GALNT1: variants seen among roughly 807,000 people sequenced by gnomAD.
GALNT1 encodes polypeptide N-acetylgalactosaminyltransferase 1, also known as GalNAc transferase 1.
A neutral mutation model predicts 65.7 loss-of-function variants in GALNT1; 17 were observed. The observed-to-expected ratio is 0.26, with a 90% CI of 0.18 to 0.39. The LOEUF is 0.39. GALNT1 is among the 10% of genes least tolerant of loss of function. GALNT1 has a pLI of 1.00. For synonymous variants in GALNT1, 210 were observed against 219.7 expected (o/e 0.96, Z 0.39); for missense variants, 460 against 672.8 (o/e 0.68, Z 3.50).
upstream of GALNT1, among the ~76,000 whole-genome samples, chr18:35,581,502 G>A (rs1380250602): frequency 7.2e-6 from 1 of 138,202 alleles, no homozygotes; most frequent in Non-Finnish European, 1.6e-5. Flanking sequence ...CGCCGAGCAC[G>A]CAGCGCAGGG....
intron 1 of GALNT1, among the ~76,000 whole-genome samples, chr18:35,627,936 C>A (rs951666621): frequency 6.7e-6 from 1 of 148,320 alleles, no homozygotes; most frequent in African/African-American, 2.4e-5. Context: ...GTGCCTGGCT[C>A]GGAGGGTCCT....
intron 1 of GALNT1, among the ~76,000 whole-genome samples, chr18:35,617,145 T>C (rs1160184948): frequency 6.6e-6 from 1 of 152,122 alleles, no homozygotes; most frequent in Non-Finnish European, 1.5e-5. Context: ...TTCTCTAGAC[T>C]CTTCTCTCAC....
At chr18:35,621,544 T>TC (rs879415949) in intron 1 of GALNT1, among the ~76,000 whole-genome samples, 6,514 of 137,632 alleles carry the variant, frequency 0.047, 305 homozygotes, top group African/African-American at 0.086. Flanking sequence ...TACTAATCTT[T>TC]TGTTCATTAT....
At chr18:35,581,540 C>CT (rs1440044001), upstream of GALNT1, among the ~76,000 whole-genome samples, 1 of 78 alleles carries the variant, frequency 0.013, no homozygotes, top group East Asian at 0.5. Context: ...CCTGCGGGCG[C>CT]CCTGCGGCGC....
chr18:35,605,971 G>C (rs1258009837), intron 1 of GALNT1, among the ~76,000 whole-genome samples: 1 of 152,096 alleles, frequency 6.6e-6, no homozygotes, highest in Non-Finnish European at 1.5e-5. Context: ...GAATATTTAG[G>C]CATTCATATT....
chr18:35,628,132 C>T (rs920922030), intron 1 of GALNT1, among the ~76,000 whole-genome samples: 14 of 152,192 alleles, frequency 9.2e-5, no homozygotes, highest in Non-Finnish European at 1.9e-4. Context: ...GTAGTCTCCA[C>T]CTCTGGGGGC....
At chr18:35,633,550 G>T (rs574659456) in intron 1 of GALNT1, among the ~76,000 whole-genome samples, 39 of 147,478 alleles carry the variant, frequency 2.6e-4, no homozygotes, top group African/African-American at 7.7e-4. Context: ...GTTGTGGGAT[G>T]GGGGAGGGGG....
chr18:35,674,162 G>A (rs1176669921), intron 3 of GALNT1, among the ~76,000 whole-genome samples: 1 of 152,164 alleles, frequency 6.6e-6, no homozygotes, highest in African/African-American at 2.4e-5. Context: ...CTCTGGGTGA[G>A]TAAGTGAGTG....
At chr18:35,595,724 A>C (rs2046497099) in intron 1 of GALNT1, among the ~76,000 whole-genome samples, 1 of 152,208 alleles carries the variant, frequency 6.6e-6, no homozygotes, top group Admixed American at 6.5e-5. Context: ...TAAGAGAAAA[A>C]ATAACATGTT....
chr18:35,618,513 T>G (rs1331201784), intron 1 of GALNT1, among the ~76,000 whole-genome samples: 1 of 152,188 alleles, frequency 6.6e-6, no homozygotes, highest in Non-Finnish European at 1.5e-5. Context: ...TGTAACTGTT[T>G]AGTGTATTTA....
At chr18:35,705,804 T>G (rs2048247810) in intron 11 of GALNT1, among the ~76,000 whole-genome samples, 1 of 152,224 alleles carries the variant, frequency 6.6e-6, no homozygotes, top group Non-Finnish European at 1.5e-5. Context: ...GTAAATTCAG[T>G]GGCATAGTGA....
At chr18:35,618,133 T>A (rs141534577) in intron 1 of GALNT1, among the ~76,000 whole-genome samples, 8 of 152,186 alleles carry the variant, frequency 5.3e-5, no homozygotes, top group Non-Finnish European at 1.0e-4. Flanking sequence ...CTGCTCTGAT[T>A]TTTCTTGTGC....
chr18:35,605,948 G>C (rs190703542), intron 1 of GALNT1, among the ~76,000 whole-genome samples: 5 of 152,116 alleles, frequency 3.3e-5, no homozygotes, highest in Non-Finnish European at 7.4e-5. Context: ...AGCAGTTCTG[G>C]CGAAACAATT....
chr18:35,624,666 C>T (rs898391052), intron 1 of GALNT1, among the ~76,000 whole-genome samples: 2 of 151,554 alleles, frequency 1.3e-5, no homozygotes, highest in African/African-American at 4.9e-5. Flanking sequence ...TTTCTATTTC[C>T]TCCTTTTTCA....
intron 2 of GALNT1, among the ~76,000 whole-genome samples, chr18:35,660,258 A>G (rs2047459357): frequency 2.1e-5 from 3 of 140,906 alleles, no homozygotes; most frequent in East Asian, 2.0e-4. Context: ...TGAGAGAAAC[A>G]CACATAAGAA....
rs748044371 is a variant in GALNT1, at chr18:35,677,561, T to G, written c.315-30T>G. 3.8e-6 allele frequency: 6 copies of G among 1,577,968 alleles called. No individual in the cohort carries two copies. The South Asian group carries it at 6.9e-5, about 18-fold the overall frequency. ...TTTATTATGCAATCTTAACAGTCACTTTTTATAAAGGCATTTGCTTTGTCT... is the reference window on the plus strand; with the variant it reads ...TTTATTATGCAATCTTAACAGTCACGTTTTATAAAGGCATTTGCTTTGTCT... On this transcript the variant is annotated intron_variant, in intron 3 of 11. Transcript: ENST00000269195.
At position 35,586,770 on chromosome 18, in the gene GALNT1, T is replaced by G. The variant is rs151169465; in HGVS notation, c.-104+4908T>G. Among the ~76,000 whole-genome samples the G allele has an allele frequency of 1.4e-3, 220 of 152,340 alleles. 1 individual carries two copies. Among genetic ancestry groups the G allele is most frequent in the African/African-American group, 4.7e-3 (194 of 41,568 alleles). ...TGGGCATGGGCATGGGGTAGACTGA[T>G]TCCTCCTACACTTTTTTTCCCCCGT... On this transcript the variant is annotated intron_variant, in intron 1 of 11. Transcript: ENST00000269195.
At chr18:35,643,620 C>T (rs948703131) in intron 1 of GALNT1, among the ~76,000 whole-genome samples, 12 of 151,996 alleles carry the variant, frequency 7.9e-5, no homozygotes, top group African/African-American at 1.2e-4. Context: ...ATGAGCAGGG[C>T]GTGGTGGCAG....
rs148981248 is a variant in GALNT1 at position 35,659,657 on chromosome 18, C to T, written c.140-3971C>T. Among the ~76,000 whole-genome samples, 858 of 152,258 alleles carry T rather than the reference C, an allele frequency of 5.6e-3. 11 individuals are homozygous for T. The highest frequency in any genetic ancestry group is 4.7e-3 in the Non-Finnish European group (318 of 68,002). On this transcript the variant is annotated intron_variant, in intron 2 of 11. Coordinates refer to ENST00000269195, the MANE Select transcript of GALNT1 (RefSeq NM_020474.4). ...TAATTGATTCTTCATGTCAGTACTGCATTTTCAGATCATTAAAATATTAAT... is the reference window on the plus strand; with the variant it reads ...TAATTGATTCTTCATGTCAGTACTGTATTTTCAGATCATTAAAATATTAAT...
Sources: gnomAD v4.1 joint callset for allele counts (sites outside exome capture counted in the v4.1 genomes callset) on GRCh38, gnomAD v4.1.1 for gene constraint, MANE v1.5 for transcripts, NCBI Gene and HGNC (gene_info 2026-07-23, HGNC 2026-07-21) for gene names.